Variants in GLT1D1 observed in about 807,000 individuals in gnomAD.
The protein encoded by GLT1D1 is glycosyltransferase 1 domain-containing protein 1.
GLT1D1 carries 21 observed loss-of-function variants against 28.7 expected under a neutral mutation model. The ratio of observed to expected loss-of-function variants is 0.73; its 90% CI spans 0.52 to 1.05. The LOEUF is 1.05. Ranked by LOEUF, GLT1D1 falls within the 50% of genes least tolerant of loss-of-function variation. GLT1D1 has a pLI of 0.00. For synonymous variants in GLT1D1, 147 were observed against 124.8 expected (o/e 1.18, Z -1.19); for missense variants, 343 against 330.6 (o/e 1.04, Z -0.29).
chr12:128,945,875 T>G (rs763032739), intron 5 of GLT1D1, among the ~76,000 whole-genome samples: 13 of 152,212 alleles, frequency 8.5e-5, no homozygotes, highest in Non-Finnish European at 1.6e-4. Context: ...GCTCCCATCC[T>G]GAAGGTGACA....
intron 4 of GLT1D1, chr12:128,944,365 A>T: frequency 1.1e-6 from 1 of 896,834 alleles, no homozygotes; most frequent in Non-Finnish European, 1.8e-6. Context: ...TGTTCTGGAG[A>T]ATGTTTCCAA....
chr12:128,959,518 G>T (rs974228064), intron 7 of GLT1D1, among the ~76,000 whole-genome samples: 2 of 150,484 alleles, frequency 1.3e-5, no homozygotes. Context: ...ATTGCAAGTC[G>T]CAAGGTATCA....
intron 4 of GLT1D1, among the ~76,000 whole-genome samples, chr12:128,912,717 C>T (rs1021569721): frequency 2.6e-5 from 4 of 151,642 alleles, no homozygotes; most frequent in Admixed American, 6.6e-5. Flanking sequence ...GGCTGGAGTG[C>T]GGTTGTGCGA....
intron 1 of GLT1D1, among the ~76,000 whole-genome samples, chr12:128,853,899 T>C (rs1172996151): frequency 6.6e-6 from 1 of 152,126 alleles, no homozygotes; most frequent in African/African-American, 2.4e-5. Context: ...CGGAGGGGAC[T>C]GAGCAGGTGA....
chr12:128,920,560 A>G (rs1260642046), intron 4 of GLT1D1, among the ~76,000 whole-genome samples: 1 of 152,182 alleles, frequency 6.6e-6, no homozygotes, highest in African/African-American at 2.4e-5. Context: ...GTCTCAAAAA[A>G]AAGAAAGAAA....
chr12:128,874,982 T>C (rs910558999), intron 1 of GLT1D1, among the ~76,000 whole-genome samples: 1 of 152,174 alleles, frequency 6.6e-6, no homozygotes, highest in Non-Finnish European at 1.5e-5. Context: ...TGAGGTATTT[T>C]ATATTTATGT....
intron 4 of GLT1D1, among the ~76,000 whole-genome samples, chr12:128,914,118 G>A (rs915925591): frequency 4.6e-5 from 7 of 151,980 alleles, no homozygotes; most frequent in African/African-American, 1.2e-4. Flanking sequence ...CGTGTTAGAC[G>A]TTGCCTCTGA....
At chr12:128,923,425 G>A (rs1872847053) in intron 4 of GLT1D1, among the ~76,000 whole-genome samples, 1 of 152,140 alleles carries the variant, frequency 6.6e-6, no homozygotes, top group Non-Finnish European at 1.5e-5. Flanking sequence ...TCTGTGGTGG[G>A]GGGTTTGGAC....
intron 5 of GLT1D1, among the ~76,000 whole-genome samples, chr12:128,945,965 T>C (rs1176844987): frequency 6.6e-6 from 1 of 152,182 alleles, no homozygotes; most frequent in Non-Finnish European, 1.5e-5. Flanking sequence ...ATGTGGGTCT[T>C]ATTTGGGTCA....
intron 7 of GLT1D1, among the ~76,000 whole-genome samples, chr12:128,981,650 C>G (rs1020010759): frequency 8.5e-5 from 13 of 152,178 alleles, no homozygotes; most frequent in Admixed American, 7.2e-4. Context: ...GCCTTTTAAA[C>G]AGCAAAAGCA....
At chr12:128,927,187 C>T in intron 4 of GLT1D1, 33 bp downstream of exon 8, 1 of 1,419,810 alleles carries the variant, frequency 7.0e-7, no homozygotes, top group Non-Finnish European at 9.6e-7. Flanking sequence ...CTTATCTCAT[C>T]TCTGTTTTCC....
intron 4 of GLT1D1, among the ~76,000 whole-genome samples, chr12:128,904,176 C>T (rs1870597380): frequency 6.6e-6 from 1 of 151,784 alleles, no homozygotes; most frequent in African/African-American, 2.4e-5. Context: ...CCTACACTCA[C>T]ACACACACAT....
chr12:128,893,001 T>C (rs1481945913), intron 3 of GLT1D1, among the ~76,000 whole-genome samples: 1 of 152,144 alleles, frequency 6.6e-6, no homozygotes. Flanking sequence ...ATCCCAGCAC[T>C]TTGAGAGGCC....
chr12:128,945,452 T>C, intron 5 of GLT1D1, 83 bp downstream of exon 9: 1 of 1,081,814 alleles, frequency 9.2e-7, no homozygotes, highest in Admixed American at 1.7e-5. Context: ...ATTTATCCAG[T>C]CCCAGGCACT....
chr12:128,938,391 C>G (rs1312649928), intron 4 of GLT1D1, among the ~76,000 whole-genome samples: 2 of 152,136 alleles, frequency 1.3e-5, no homozygotes, highest in Non-Finnish European at 2.9e-5. Flanking sequence ...TTTAAATTTT[C>G]TTATGCATCC....
Position 128,861,176 on chromosome 12 carries a change from C to T in GLT1D1, c.68+7527C>T, listed in dbSNP as rs908405395. The stretch of plus-strand genomic sequence containing the variant: ...AAACTGCTGCCTGCCCGGGGTGAAA[C>T]GCAGCCTCCCTGCCAGTTTTGTAAA... On this transcript the variant is annotated intron_variant, in intron 1 of 7. Transcript: ENST00000281703. 5.3e-5 allele frequency among the ~76,000 whole-genome samples: 8 copies of T among 152,324 alleles called. No homozygotes were observed. In the East Asian group the frequency reaches 9.6e-4, roughly 18 times the overall value.
chr12:128,933,675 G>A (rs976322715), intron 4 of GLT1D1, among the ~76,000 whole-genome samples: 2 of 152,138 alleles, frequency 1.3e-5, no homozygotes, highest in Admixed American at 1.3e-4. Flanking sequence ...GCAGACCTCA[G>A]TCTGGCTCAG....
At chr12:128,870,300 CA>C (rs1163434340) in intron 1 of GLT1D1, among the ~76,000 whole-genome samples, 2 of 152,108 alleles carry the variant, frequency 1.3e-5, no homozygotes, top group African/African-American at 4.8e-5. Flanking sequence ...AACCAAAACA[CA>C]GAAATGACCA....
At chr12:128,959,118 T>A (rs75134104) in intron 7 of GLT1D1, among the ~76,000 whole-genome samples, 1,674 of 152,060 alleles carry the variant, frequency 0.011, 38 homozygotes, top group African/African-American at 0.038. Flanking sequence ...ATTACAGGCA[T>A]GAGCACCACC....
Sources: allele counts gnomAD v4.1 joint callset (sites outside exome capture counted in the v4.1 genomes callset), GRCh38; gene constraint gnomAD v4.1.1; transcripts MANE v1.5; gene names NCBI Gene and HGNC (gene_info 2026-07-23, HGNC 2026-07-21).